CSGALNACT1: variants seen among roughly 807,000 people sequenced by gnomAD.
CSGALNACT1 encodes beta4GalNAcT-1.
Under a neutral mutation model 51.0 loss-of-function variants are expected in CSGALNACT1, and 52 were observed. That is an observed-to-expected ratio of 1.02 (90% confidence interval 0.82 to 1.29). The LOEUF is 1.29. Among genes scored for constraint, CSGALNACT1 ranks in the 50% most tolerant of loss-of-function variants. CSGALNACT1 has a pLI of 0.00. For synonymous variants in CSGALNACT1, 341 were observed against 254.4 expected, an observed-to-expected ratio of 1.34 and a Z score of -3.24; for missense variants, 935 against 679.2, an observed-to-expected ratio of 1.38 and a Z score of -4.19.
chr8:19,503,151 C>G (rs2076698462), intron 4 of CSGALNACT1, among the ~76,000 whole-genome samples: 1 of 152,210 alleles, frequency 6.6e-6, no homozygotes, highest in African/African-American at 2.4e-5. Flanking sequence ...ATAGTTCAAT[C>G]TCTATAAATA....
intron 1 of CSGALNACT1, among the ~76,000 whole-genome samples, chr8:19,632,141 C>A (rs73214655): frequency 2.6e-5 from 4 of 152,328 alleles, no homozygotes; most frequent in South Asian, 2.1e-4. Flanking sequence ...AAACCAAATT[C>A]TTGAAGAAAG....
chr8:19,574,724 CT>C (rs1290625160), intron 3 of CSGALNACT1, among the ~76,000 whole-genome samples: 1 of 152,086 alleles, frequency 6.6e-6, no homozygotes, highest in Non-Finnish European at 1.5e-5. Context: ...GGCAGACTGT[CT>C]AAAATCTCTT....
intron 4 of CSGALNACT1, among the ~76,000 whole-genome samples, chr8:19,496,100 A>G (rs1432093466): frequency 6.6e-6 from 1 of 152,240 alleles, no homozygotes; most frequent in Non-Finnish European, 1.5e-5. Context: ...ATGCTTGTTA[A>G]CTACAAATTT....
At chr8:19,436,666 G>T (rs2060426766) in intron 6 of CSGALNACT1, among the ~76,000 whole-genome samples, 1 of 152,134 alleles carries the variant, frequency 6.6e-6, no homozygotes, top group African/African-American at 2.4e-5. Context: ...CAGAACTTTG[G>T]GAGGATGAGG....
intron 1 of CSGALNACT1, among the ~76,000 whole-genome samples, chr8:19,726,095 G>A (rs375452557): frequency 9.9e-5 from 15 of 152,072 alleles, no homozygotes; most frequent in African/African-American, 2.9e-4. Context: ...AAAGTCATGC[G>A]GCCTTGAATT....
chr8:19,636,884 T>C (rs918352831), intron 1 of CSGALNACT1, among the ~76,000 whole-genome samples: 6 of 152,150 alleles, frequency 3.9e-5, no homozygotes, highest in Non-Finnish European at 8.8e-5. Flanking sequence ...TGCTACATCA[T>C]CTATTTTCAT....
chr8:19,457,669 G>C, intron 5 of CSGALNACT1: 3 of 1,295,610 alleles, frequency 2.3e-6, no homozygotes, highest in Non-Finnish European at 3.0e-6. Flanking sequence ...TTAGACAGTA[G>C]GATTTTCTAT....
intron 1 of CSGALNACT1, among the ~76,000 whole-genome samples, chr8:19,668,942 G>C (rs986061903): frequency 6.6e-6 from 1 of 152,162 alleles, no homozygotes; most frequent in African/African-American, 2.4e-5. Context: ...TTGAAATACT[G>C]TAATAATCTA....
chr8:19,517,228 G>A lies in CSGALNACT1; in HGVS notation c.-296-11098C>T, dbSNP rs145724016. On this transcript the variant is annotated intron_variant, in intron 3 of 9. Transcript: ENST00000454498. ...CGAGGTGGGAAGATCACCTGAGTTT[G>A]GGAGTTCGAGATCAGCAGCCTGACC... 8.8e-3 allele frequency among the ~76,000 whole-genome samples: 1,335 copies of A among 152,240 alleles called. 12 individuals are homozygous for A. The highest frequency in any genetic ancestry group is 0.013 in the Non-Finnish European group (873 of 68,006).
At chr8:19,568,720 C>G (rs1172498899) in intron 3 of CSGALNACT1, among the ~76,000 whole-genome samples, 1 of 152,092 alleles carries the variant, frequency 6.6e-6, no homozygotes, top group Non-Finnish European at 1.5e-5. Flanking sequence ...ATGGTCCAAA[C>G]CAACAGATAT....
intron 1 of CSGALNACT1, among the ~76,000 whole-genome samples, chr8:19,747,129 G>A (rs1437829180): frequency 6.6e-6 from 1 of 152,152 alleles, no homozygotes; most frequent in Non-Finnish European, 1.5e-5. Flanking sequence ...AAAGTCACTG[G>A]TTACCCTCTG....
In CSGALNACT1 at chr8:19,628,581, G is replaced by A. The variant is rs142603340; in HGVS notation, c.-543-26716C>T. ...TTTAAGTGAATTGAGCAAGGACGCT[G>A]TTGCTAAGTAATAGAGGTAGGATTC... On this transcript the variant is annotated intron_variant, in intron 1 of 9. Coordinates refer to the CSGALNACT1 transcript ENST00000332246. 3.5e-3 allele frequency among the ~76,000 whole-genome samples: 538 copies of A among 152,184 alleles called. 6 individuals carry two copies. Among genetic ancestry groups the A allele is most frequent in the Non-Finnish European group, 5.6e-3 (382 of 68,018 alleles).
rs113704906 is a variant in CSGALNACT1, at chr8:19,500,987, C to T, written c.634+4214G>A. 5.0e-3 allele frequency among the ~76,000 whole-genome samples: 768 copies of T among 152,230 alleles called. 4 individuals are homozygous for T. Among genetic ancestry groups the T allele is most frequent in the African/African-American group, 0.017 (719 of 41,552 alleles). ...GGCAGAGGCCGGGCACGGTGGCTCA[C>T]GCCTGTAATCCCAGCACTTTGGGAG... On this transcript the variant is annotated intron_variant, in intron 4 of 9. Transcript: ENST00000454498.
At chr8:19,551,393 C>A (rs1210035507) in intron 3 of CSGALNACT1, among the ~76,000 whole-genome samples, 1 of 152,168 alleles carries the variant, frequency 6.6e-6, no homozygotes, top group East Asian at 1.9e-4. Context: ...TTACCAACCC[C>A]TTCCCTTCAA....
intron 1 of CSGALNACT1, among the ~76,000 whole-genome samples, chr8:19,667,618 T>C (rs1295055506): frequency 1.3e-5 from 2 of 152,124 alleles, no homozygotes; most frequent in African/African-American, 4.8e-5. Context: ...TAATGCAACA[T>C]GACCACAAAA....
chr8:19,724,735 T>C (rs929654376), intron 1 of CSGALNACT1, among the ~76,000 whole-genome samples: 2 of 152,204 alleles, frequency 1.3e-5, no homozygotes, highest in Non-Finnish European at 2.9e-5. Flanking sequence ...AAGTTGCAAA[T>C]AGAAATCTGT....
intron 1 of CSGALNACT1, among the ~76,000 whole-genome samples, chr8:19,630,209 T>C (rs896298906): frequency 1.9e-4 from 24 of 127,214 alleles, no homozygotes; most frequent in South Asian, 4.6e-4. Flanking sequence ...TGTGTGTGTG[T>C]GTGTGTGTGT....
chr8:19,511,803 A>G (rs2078517598), intron 3 of CSGALNACT1, among the ~76,000 whole-genome samples: 1 of 152,228 alleles, frequency 6.6e-6, no homozygotes, highest in African/African-American at 2.4e-5. Flanking sequence ...ACAGCTGTAC[A>G]GGAGGCATGG....
chr8:19,426,699 CCT>C (rs1192025025), intron 6 of CSGALNACT1, among the ~76,000 whole-genome samples: 1 of 152,192 alleles, frequency 6.6e-6, no homozygotes, highest in Non-Finnish European at 1.5e-5. Flanking sequence ...CACGGAGACT[CCT>C]CTAAGTTACA....
Sources: gnomAD v4.1 joint callset for allele counts (sites outside exome capture counted in the v4.1 genomes callset) on GRCh38, gnomAD v4.1.1 for gene constraint, MANE v1.5 for transcripts, NCBI Gene and HGNC (gene_info 2026-07-23, HGNC 2026-07-21) for gene names.